The following PRIMA1 variants were observed in gnomAD, a reference collection of about 807,000 sequenced individuals.
The protein encoded by PRIMA1 is proline-rich membrane anchor 1.
A neutral mutation model predicts 17.5 loss-of-function variants in PRIMA1; 7 were observed. That is an observed-to-expected ratio of 0.40 (90% CI 0.23 to 0.75). The LOEUF (loss-of-function observed/expected upper bound fraction) is 0.75. Among genes scored for constraint, PRIMA1 ranks in the 30% least tolerant of loss-of-function variants. The pLI is 0.37. For synonymous variants in PRIMA1, 97 were observed against 77.9 expected (o/e 1.25, Z -1.29); for missense variants, 200 against 201.8 (o/e 0.99, Z 0.05).
chr14:93,779,062 G>A, intron 3 of PRIMA1, 114 bp downstream of exon 3: 1 of 737,830 alleles, frequency 1.4e-6, no homozygotes, highest in Non-Finnish European at 2.1e-6. Flanking sequence ...CCTCCTGCTT[G>A]GCCAGTGGAA....
chr14:93,727,071 C>T (rs907822250), intron 4 of PRIMA1, among the ~76,000 whole-genome samples: 10 of 152,316 alleles, frequency 6.6e-5, no homozygotes, highest in Admixed American at 4.6e-4. Context: ...GAAGCAGCAG[C>T]CCCACGTCCA....
chr14:93,757,617 G>A (rs1472926117), intron 3 of PRIMA1, among the ~76,000 whole-genome samples: 2 of 152,166 alleles, frequency 1.3e-5, no homozygotes, highest in African/African-American at 2.4e-5. Flanking sequence ...AAGGCCACGT[G>A]GTGACAGCTG....
chr14:93,770,180 G>A (rs893839706), intron 3 of PRIMA1, among the ~76,000 whole-genome samples: 9 of 151,978 alleles, frequency 5.9e-5, no homozygotes, highest in African/African-American at 1.7e-4. Flanking sequence ...TCCCTGCACC[G>A]TCACTCACCT....
chr14:93,748,059 T>G (rs1344700250), intron 3 of PRIMA1, among the ~76,000 whole-genome samples: 1 of 151,478 alleles, frequency 6.6e-6, no homozygotes, highest in Non-Finnish European at 1.5e-5. Context: ...TGTGTGTATG[T>G]GAGTGTGAAT....
chr14:93,773,109 G>C (rs1023174951), intron 3 of PRIMA1, among the ~76,000 whole-genome samples: 2 of 152,210 alleles, frequency 1.3e-5, no homozygotes, highest in Non-Finnish European at 2.9e-5. Flanking sequence ...AATGAACAAG[G>C]GTTGGACCTC....
At chr14:93,748,710 T>C (rs1440177314) in intron 3 of PRIMA1, among the ~76,000 whole-genome samples, 1 of 152,192 alleles carries the variant, frequency 6.6e-6, no homozygotes, top group Non-Finnish European at 1.5e-5. Flanking sequence ...TATCTATTTC[T>C]GCCTGGTGCT....
At chr14:93,739,897 C>G (rs1020561168) in intron 3 of PRIMA1, among the ~76,000 whole-genome samples, 1 of 152,076 alleles carries the variant, frequency 6.6e-6, no homozygotes, top group Admixed American at 6.5e-5. Flanking sequence ...GAAACCCCGT[C>G]TCTACTAAAA....
intron 3 of PRIMA1, among the ~76,000 whole-genome samples, chr14:93,740,644 T>C (rs1242362364): frequency 6.6e-6 from 1 of 152,228 alleles, no homozygotes; most frequent in Non-Finnish European, 1.5e-5. Context: ...CTCCTGTGGC[T>C]GGGGACAGAG....
intron 4 of PRIMA1, among the ~76,000 whole-genome samples, chr14:93,729,888 C>T (rs2076102658): frequency 6.8e-6 from 1 of 147,802 alleles, no homozygotes; most frequent in African/African-American, 2.5e-5. Flanking sequence ...AGGAGGCCTA[C>T]TGAAGAAATG....
chr14:93,755,484 T>C (rs1474481003), intron 3 of PRIMA1, among the ~76,000 whole-genome samples: 1 of 152,172 alleles, frequency 6.6e-6, no homozygotes, highest in Non-Finnish European at 1.5e-5. Context: ...ATGCCAAAAC[T>C]AACTGAGTAG....
At chr14:93,750,890 G>A (rs1449511930) in intron 3 of PRIMA1, among the ~76,000 whole-genome samples, 3 of 152,168 alleles carry the variant, frequency 2.0e-5, no homozygotes, top group African/African-American at 4.8e-5. Context: ...ATCTTGCCTC[G>A]GAGTTTTCAT....
At chr14:93,761,679 T>C (rs942808469) in intron 3 of PRIMA1, among the ~76,000 whole-genome samples, 3 of 152,002 alleles carry the variant, frequency 2.0e-5, no homozygotes, top group Admixed American at 2.0e-4. Flanking sequence ...TAGTCTCTAT[T>C]CCCGCCCCAG....
At chr14:93,763,441 C>T (rs1384751874) in intron 3 of PRIMA1, among the ~76,000 whole-genome samples, 2 of 152,192 alleles carry the variant, frequency 1.3e-5, no homozygotes, top group African/African-American at 4.8e-5. Flanking sequence ...CCTTCCAGGC[C>T]TGCAGTGAGC....
At chr14:93,784,773 C>T (rs1239465779) in intron 2 of PRIMA1, among the ~76,000 whole-genome samples, 1 of 152,182 alleles carries the variant, frequency 6.6e-6, no homozygotes, top group Non-Finnish European at 1.5e-5. Flanking sequence ...TGCCCCGGGT[C>T]CAAGCTGTTT....
At chr14:93,737,548 C>G (rs1314925643) in intron 3 of PRIMA1, among the ~76,000 whole-genome samples, 178 bp from the exon 4 acceptor site, 3 of 149,954 alleles carry the variant, frequency 2.0e-5, no homozygotes, top group Non-Finnish European at 1.5e-5. Context: ...ATGGGTGACA[C>G]CAACAGAGGC....
chr14:93,741,964 G>A (rs1265011125), intron 3 of PRIMA1, among the ~76,000 whole-genome samples: 2 of 152,208 alleles, frequency 1.3e-5, no homozygotes, highest in Non-Finnish European at 2.9e-5. Context: ...CGCCTGTAAA[G>A]ACGATGAAGC....
At chr14:93,728,963 G>A (rs1370210758) in intron 4 of PRIMA1, among the ~76,000 whole-genome samples, 2 of 152,200 alleles carry the variant, frequency 1.3e-5, no homozygotes, top group Non-Finnish European at 2.9e-5. Context: ...GCCCAGGGCA[G>A]GTAAGGACCT....
At chr14:93,757,816 T>C (rs1457403027) in intron 3 of PRIMA1, among the ~76,000 whole-genome samples, 3 of 152,186 alleles carry the variant, frequency 2.0e-5, no homozygotes, top group African/African-American at 7.2e-5. Context: ...CTTAATGCCA[T>C]TCGATTCTGC....
At chr14:93,748,854 C>T (rs2076243357) in intron 3 of PRIMA1, among the ~76,000 whole-genome samples, 1 of 151,866 alleles carries the variant, frequency 6.6e-6, no homozygotes, top group Admixed American at 6.6e-5. Context: ...ATTCCTGTGC[C>T]TAATTAGGAA....
Sources: gnomAD v4.1 joint callset for allele counts (sites outside exome capture counted in the v4.1 genomes callset) on GRCh38, gnomAD v4.1.1 for gene constraint, MANE v1.5 for transcripts, NCBI Gene and HGNC (gene_info 2026-07-23, HGNC 2026-07-21) for gene names.